DOP1A: variants seen among roughly 807,000 people sequenced by gnomAD.
DOP1A encodes the protein protein DOP1A.
Under a neutral mutation model 267.6 loss-of-function variants are expected in DOP1A, and 90 were observed. The ratio of observed to expected loss-of-function variants is 0.34; its 90% confidence interval spans 0.28 to 0.40. The LOEUF (loss-of-function observed/expected upper bound fraction) is 0.40, where lower values mean the gene tolerates loss of function less well. DOP1A is among the 10% of genes least tolerant of loss of function. The probability of loss-of-function intolerance (pLI) is 1.00; values close to 1 mark genes in which losing one functional copy is unlikely to be tolerated. For missense variants in DOP1A, 2,437 were observed against 2,900.4 expected, an observed-to-expected ratio of 0.84 and a Z score of 3.67; for synonymous variants, 932 against 999.1, an observed-to-expected ratio of 0.93 and a Z score of 1.27.
chr6:83,135,431 T>C (rs13216745), intron 19 of DOP1A, among the ~76,000 whole-genome samples, 188 bp from the exon 20 acceptor site: 26,909 of 144,352 alleles, frequency 0.19, 3,045 homozygotes, highest in Middle Eastern at 0.29. Context: ...AAGGTTTTTT[T>C]CCTTTCTTAT....
intron 3 of DOP1A, among the ~76,000 whole-genome samples, chr6:83,097,919 G>A (rs1406729612): frequency 6.7e-6 from 1 of 149,744 alleles, no homozygotes; most frequent in Non-Finnish European, 1.5e-5. Context: ...TTTTATATGA[G>A]ACAAGGTCTT....
chr6:83,156,160 A>T (rs1427100401), intron 34 of DOP1A, 57 bp downstream of exon 34: 9 of 1,416,050 alleles, frequency 6.4e-6, no homozygotes, highest in Non-Finnish European at 8.7e-6. Flanking sequence ...GGTTCCTTAG[A>T]AAATACTTCT....
At chr6:83,169,101 A>T, downstream of DOP1A, 2 of 1,455,042 alleles carry the variant, frequency 1.4e-6, no homozygotes, top group Non-Finnish European at 1.8e-6. Context: ...TTTAAGAAAA[A>T]CAGATCTAGA....
intron 1 of DOP1A, among the ~76,000 whole-genome samples, chr6:83,081,041 G>T (rs1172610362): frequency 6.6e-6 from 1 of 152,144 alleles, no homozygotes; most frequent in East Asian, 1.9e-4. Flanking sequence ...ACATGGAACT[G>T]GCATAAGAAC....
chr6:83,113,414 T>C lies in DOP1A; in HGVS notation c.773T>C (p.Met258Thr). ...DLILFCFPFH[M>T]SQATRPDMIR... Reference sequence around the variant, plus strand: ...ATACTCTTCTGTTTTCCATTCCACATGAGTCAGGTAAAATATTAACGCCGA... The same window carrying C: ...ATACTCTTCTGTTTTCCATTCCACACGAGTCAGGTAAAATATTAACGCCGA... The change falls in exon 7 of 39, where the codon ATG (methionine) becomes ACG (threonine). Residue 258 changes from methionine (M) to threonine (T), a missense_variant. Coordinates refer to ENST00000349129, the MANE Select transcript of DOP1A (RefSeq NM_015018.4). 1 of 1,613,426 alleles carries C rather than the reference T, an allele frequency of 6.2e-7. No homozygotes were observed. Among genetic ancestry groups the C allele is most frequent in the African/African-American group, 1.3e-5 (1 of 75,012 alleles).
chr6:83,069,654 A>C (rs1330560404), intron 1 of DOP1A, among the ~76,000 whole-genome samples: 1 of 152,164 alleles, frequency 6.6e-6, no homozygotes, highest in Non-Finnish European at 1.5e-5. Context: ...TTAATGATAC[A>C]CTTAAGTTCC....
At chr6:83,074,534 C>T (rs1445792775) in intron 1 of DOP1A, among the ~76,000 whole-genome samples, 1 of 152,110 alleles carries the variant, frequency 6.6e-6, no homozygotes, top group Non-Finnish European at 1.5e-5. Flanking sequence ...AATAAAAACT[C>T]GACTTCTAGT....
intron 4 of DOP1A, among the ~76,000 whole-genome samples, chr6:83,101,167 C>G (rs1772506193): frequency 6.6e-6 from 1 of 152,096 alleles, no homozygotes; most frequent in African/African-American, 2.4e-5. Context: ...AGGCGCCCGC[C>G]ACCACGCCCG....
At chr6:83,081,620 TG>T (rs1768092192) in intron 1 of DOP1A, among the ~76,000 whole-genome samples, 1 of 152,166 alleles carries the variant, frequency 6.6e-6, no homozygotes, top group African/African-American at 2.4e-5. Flanking sequence ...TATGTGACAT[TG>T]ATCTGCACCA....
chr6:83,155,901 AATCTT>A, intron 33 of DOP1A, 45 bp from the exon 34 acceptor site: 1 of 1,576,138 alleles, frequency 6.3e-7, no homozygotes, highest in Non-Finnish European at 8.6e-7. Context: ...ACAACAGAAT[AATCTT>A]TCTTCAGATG....
intron 1 of DOP1A, among the ~76,000 whole-genome samples, chr6:83,078,282 G>A (rs1767464785): frequency 6.6e-6 from 1 of 152,106 alleles, no homozygotes; most frequent in Non-Finnish European, 1.5e-5. Flanking sequence ...CACAATTATA[G>A]CAGTAATAAG....
At chr6:83,140,879 TA>T (rs1179986046) in intron 23 of DOP1A, among the ~76,000 whole-genome samples, 1 of 152,086 alleles carries the variant, frequency 6.6e-6, no homozygotes, top group East Asian at 1.9e-4. Flanking sequence ...CTTTTTTTTT[TA>T]GGGCATTTTA....
At position 83,135,698 on chromosome 6, in the gene DOP1A, G is replaced by A. The variant is rs1384533729; in HGVS notation, c.2950G>A (p.Val984Ile). The A allele has an allele frequency of 2.5e-6, 4 of 1,613,592 alleles. No homozygotes were observed. In the Admixed American group the frequency reaches 5.0e-5, roughly 20 times the overall value. Residue 984 changes from valine (V) to isoleucine (I), a missense_variant, in exon 20 of 39, where the codon GTC becomes ATC. By Grantham distance (29) the Val-to-Ile change is conservative. Around this residue, in one of 9 missense-constraint regions of DOP1A, gnomAD observed 878 missense variants for 992.9 expected, o/e 0.88. Transcript: ENST00000349129. ...SSVGQAWLNQ[V>I]LQRHDIARVL... is the part of the protein sequence containing the mutation. Reference sequence around the variant, plus strand: ...TGTGGGACAAGCCTGGCTGAACCAAGTCCTACAAAGACATGATATTGCACG... The same window carrying A: ...TGTGGGACAAGCCTGGCTGAACCAAATCCTACAAAGACATGATATTGCACG...
intron 16 of DOP1A, 67 bp downstream of exon 16, chr6:83,129,575 G>T: frequency 1.5e-6 from 2 of 1,357,416 alleles, no homozygotes; most frequent in Non-Finnish European, 1.9e-6. Flanking sequence ...TTTTAAAAGA[G>T]GCACTCAAAA....
intron 1 of DOP1A, among the ~76,000 whole-genome samples, chr6:83,094,242 T>A (rs936324461): frequency 6.6e-6 from 1 of 152,250 alleles, no homozygotes; most frequent in African/African-American, 2.4e-5. Flanking sequence ...TTTGTATCAC[T>A]ATTTCATTCT....
intron 24 of DOP1A, among the ~76,000 whole-genome samples, chr6:83,143,909 G>A (rs1279278599): frequency 9.2e-5 from 14 of 152,168 alleles, no homozygotes; most frequent in Non-Finnish European, 1.5e-4. Context: ...AGATTAGCAT[G>A]TAATTTCAAA....
chr6:83,110,035 G>A, intron 5 of DOP1A, 90 bp from the exon 6 acceptor site: 1 of 1,358,366 alleles, frequency 7.4e-7, no homozygotes, highest in Non-Finnish European at 9.9e-7. Context: ...TAGCATGGGT[G>A]TTTGCATACA....
intron 4 of DOP1A, among the ~76,000 whole-genome samples, chr6:83,106,140 T>C (rs1253236198): frequency 1.3e-5 from 2 of 152,240 alleles, no homozygotes; most frequent in Non-Finnish European, 2.9e-5. Context: ...TAAATACAAA[T>C]ACTTTTAAAG....
chr6:83,110,127 C>A lies in DOP1A; in HGVS notation c.494C>A (p.Thr165Lys). 4 of 1,594,404 alleles carry A rather than the reference C, an allele frequency of 2.5e-6. No homozygotes were observed. The highest frequency in any genetic ancestry group is 3.4e-6 in the Non-Finnish European group (4 of 1,172,314). Residue 165 changes from threonine (T) to lysine (K), a missense_variant and splice_region_variant, in exon 6 of 39, where the codon ACA (threonine) becomes AAA (lysine). Transcript: ENST00000349129. The part of the protein sequence containing the change: ...LEEGSEYYER[T>K]NMLLEKVAAA... ...AAACCACTTTATTTATACCTCAGAA[C>A]AAATATGTTGTTGGAAAAGGTTGCT... is the stretch of plus-strand genomic sequence containing the variant.
Sources: gnomAD v4.1 joint callset for allele counts (sites outside exome capture counted in the v4.1 genomes callset) on GRCh38, gnomAD v4.1.1 for gene constraint, gnomAD v4.1.1 regional missense constraint, MANE v1.5 for transcripts, NCBI Gene and HGNC (gene_info 2026-07-23, HGNC 2026-07-21) for gene names.